MAPRE3: variants seen among roughly 807,000 people sequenced by gnomAD.
MAPRE3 encodes the protein microtubule associated protein RP/EB family member 3, also known as microtubule-associated protein RP/EB family member 3.
Under a neutral mutation model 30.5 loss-of-function variants are expected in MAPRE3, and 2 were observed. The ratio of observed to expected loss-of-function variants is 0.07; its 90% CI spans 0.03 to 0.21. The LOEUF (loss-of-function observed/expected upper bound fraction) is 0.21. Ranked by LOEUF, MAPRE3 falls within the 10% of genes least tolerant of loss-of-function variation. MAPRE3 has a pLI of 1.00. For missense variants in MAPRE3, 204 were observed against 351.8 expected, an observed-to-expected ratio of 0.58 and a Z score of 3.36; for synonymous variants, 110 against 127.7, an observed-to-expected ratio of 0.86 and a Z score of 0.93.
Position 27,023,372 on chromosome 2 carries a change from C to T in MAPRE3, c.162C>T (p.Gly54=). Residue 54 remains glycine, a synonymous_variant, in exon 3 of 7, where the codon GGC becomes GGT. Transcript: ENST00000233121. Reference sequence around the variant, plus strand: ...AGTTCATGGACATGCTCTTCCCCGGCTGTGTGCACTTGAGGAAAGTGAAGT... The same window carrying T: ...AGTTCATGGACATGCTCTTCCCCGGTTGTGTGCACTTGAGGAAAGTGAAGT... ...YCQFMDMLFP[G]CVHLRKVKFQ... 1 of 1,611,994 alleles carries T rather than the reference C, an allele frequency of 6.2e-7. No homozygotes were observed. Among genetic ancestry groups the T allele is most frequent in the South Asian group, 1.1e-5 (1 of 91,058 alleles).
At chr2:26,974,384 A>C (rs1328465337) in intron 1 of MAPRE3, among the ~76,000 whole-genome samples, 1 of 152,200 alleles carries the variant, frequency 6.6e-6, no homozygotes, top group Non-Finnish European at 1.5e-5. Context: ...GACTTCAGGA[A>C]GGTCTTTCTT....
intron 1 of MAPRE3, chr2:26,996,835 T>A (rs979308152): frequency 6.6e-6 from 1 of 151,214 alleles, no homozygotes; most frequent in African/African-American, 2.4e-5. Flanking sequence ...AATAAATAAA[T>A]AAAAATAAAC....
chr2:27,018,483 C>T (rs1179742671), intron 1 of MAPRE3, among the ~76,000 whole-genome samples: 4 of 152,192 alleles, frequency 2.6e-5, no homozygotes, highest in African/African-American at 9.7e-5. Context: ...ATTCTTGTGG[C>T]ACTTGCTGTT....
intron 1 of MAPRE3, among the ~76,000 whole-genome samples, chr2:27,019,021 A>G (rs1558386072): frequency 6.6e-6 from 1 of 151,888 alleles, no homozygotes. Flanking sequence ...GGTTCAAGCA[A>G]TTCTCCTGCC....
chr2:26,997,434 C>A (rs1285485663), intron 1 of MAPRE3, among the ~76,000 whole-genome samples: 1 of 152,088 alleles, frequency 6.6e-6, no homozygotes, highest in East Asian at 1.9e-4. Flanking sequence ...ATTCTTCTTC[C>A]CGTGTGACCC....
intron 1 of MAPRE3, chr2:27,012,940 C>G (rs950984656): frequency 3.9e-5 from 6 of 152,678 alleles, no homozygotes; most frequent in African/African-American, 1.4e-4. Flanking sequence ...CTAAACAATT[C>G]ACAGGATGCA....
chr2:27,026,894 A>AG lies in MAPRE3; in HGVS notation c.*551dup. ...GGAAGGCTGATGTCAGGAGAGGGAG[A>AG]GGGGGCTGAGGAGGTAGTGCTGTAG... On this transcript the variant is annotated 3_prime_UTR_variant, in exon 7 of 7. Transcript: ENST00000233121. 1 of 149,488 alleles carries AG rather than the reference A, an allele frequency of 6.7e-6. No individual in the cohort carries two copies. The highest frequency in any genetic ancestry group is 1.5e-5 in the Non-Finnish European group (1 of 67,116). 9.3% of individuals were successfully genotyped at this position (149,488 alleles called of 1,614,324 possible). A position where few individuals can be genotyped will look rare whatever the true frequency, so the allele number is the denominator to read the frequency against.
intron 1 of MAPRE3, among the ~76,000 whole-genome samples, chr2:27,018,337 C>T (rs992286889): frequency 1.3e-5 from 2 of 152,112 alleles, no homozygotes; most frequent in Non-Finnish European, 2.9e-5. Context: ...GGACAGTTCC[C>T]GGAATAGCTG....
intron 1 of MAPRE3, among the ~76,000 whole-genome samples, chr2:26,990,522 G>A (rs1446988957): frequency 6.6e-6 from 1 of 152,060 alleles, no homozygotes; most frequent in Non-Finnish European, 1.5e-5. Flanking sequence ...AATGAGGGAT[G>A]GAAAACTAAC....
chr2:26,991,061 G>A (rs550739670), intron 1 of MAPRE3, among the ~76,000 whole-genome samples: 14 of 152,256 alleles, frequency 9.2e-5, no homozygotes, highest in East Asian at 3.9e-4. Context: ...AGACCATCCT[G>A]GCTAACATGG....
At chr2:26,983,981 A>G (rs562276387) in intron 1 of MAPRE3, among the ~76,000 whole-genome samples, 1 of 152,346 alleles carries the variant, frequency 6.6e-6, no homozygotes, top group African/African-American at 2.4e-5. Context: ...AGGTTTGGAA[A>G]GAACTTCCTC....
chr2:26,979,654 G>T (rs778727288), intron 1 of MAPRE3, among the ~76,000 whole-genome samples: 1 of 152,204 alleles, frequency 6.6e-6, no homozygotes, highest in African/African-American at 2.4e-5. Context: ...AGCAGGCTGT[G>T]AGTTGACAGA....
chr2:27,021,688 C>A (rs752693198), intron 1 of MAPRE3, among the ~76,000 whole-genome samples: 1 of 152,196 alleles, frequency 6.6e-6, no homozygotes, highest in Non-Finnish European at 1.5e-5. Context: ...CACACCCCAA[C>A]AGAAAAATCT....
intron 1 of MAPRE3, among the ~76,000 whole-genome samples, chr2:26,972,342 T>C (rs1292334901): frequency 1.3e-5 from 2 of 152,236 alleles, no homozygotes; most frequent in Admixed American, 1.3e-4. Flanking sequence ...CTTTGCTCAA[T>C]CATGGCCTAT....
intron 1 of MAPRE3, among the ~76,000 whole-genome samples, chr2:26,980,049 C>T (rs1222965582): frequency 6.6e-6 from 1 of 152,110 alleles, no homozygotes; most frequent in Non-Finnish European, 1.5e-5. Flanking sequence ...GTACAAAGAC[C>T]AGAGCCCCAA....
At chr2:26,976,524 G>A (rs549932636) in intron 1 of MAPRE3, among the ~76,000 whole-genome samples, 1 of 152,156 alleles carries the variant, frequency 6.6e-6, no homozygotes, top group Admixed American at 6.5e-5. Context: ...GAGTTGACTG[G>A]CCAATACTAG....
chr2:27,016,073 T>C (rs1666976232), intron 1 of MAPRE3, among the ~76,000 whole-genome samples: 2 of 152,340 alleles, frequency 1.3e-5, no homozygotes, highest in South Asian at 4.1e-4. Context: ...CTTGGCTCCA[T>C]TCCTGATAGC....
Position 26,987,089 on chromosome 2 carries a change from A to C in MAPRE3, c.-8+16287A>C, listed in dbSNP as rs918566629. Among the ~76,000 whole-genome samples, 39 of 152,172 alleles carry C rather than the reference A, an allele frequency of 2.6e-4. 1 individual carries two copies. The highest frequency in any genetic ancestry group is 7.7e-4 in the African/African-American group (32 of 41,440). On this transcript the variant is annotated intron_variant, in intron 1 of 6. Coordinates refer to ENST00000233121, the MANE Select transcript of MAPRE3 (RefSeq NM_012326.4). ...CCAAGTTCCCATTCTGCTCCTGCCT[A>C]TCTCTCTAGCTCTGGAAAAAATGAT... is the stretch of plus-strand genomic sequence containing the variant.
At chr2:27,021,482 C>G (rs1055835207) in intron 1 of MAPRE3, among the ~76,000 whole-genome samples, 1 of 152,200 alleles carries the variant, frequency 6.6e-6, no homozygotes, top group Admixed American at 6.5e-5. Flanking sequence ...TTAGATGCCT[C>G]TGCATCAGCC....
Sources: allele counts gnomAD v4.1 joint callset (sites outside exome capture counted in the v4.1 genomes callset), GRCh38; gene constraint gnomAD v4.1.1; transcripts MANE v1.5; gene names NCBI Gene and HGNC (gene_info 2026-07-23, HGNC 2026-07-21).